BTNL3: variants seen among roughly 807,000 people sequenced by gnomAD.
BTNL3 encodes the protein butyrophilin-like protein 3.
In BTNL3, 20 loss-of-function variants were observed where a neutral mutation model predicts 40.1. The observed-to-expected ratio is 0.50, with a 90% confidence interval of 0.35 to 0.72. The LOEUF (loss-of-function observed/expected upper bound fraction) is 0.72, where lower values mean the gene tolerates loss of function less well. Among genes scored for constraint, BTNL3 ranks in the 30% least tolerant of loss-of-function variants. The probability of loss-of-function intolerance (pLI) is 0.01; values close to 1 mark genes in which losing one functional copy is unlikely to be tolerated. For missense variants in BTNL3, 449 were observed against 582.2 expected, an observed-to-expected ratio of 0.77 and a Z score of 2.35; for synonymous variants, 179 against 222.1, an observed-to-expected ratio of 0.81 and a Z score of 1.73.
intron 3 of BTNL3, 136 bp downstream of exon 3, chr5:180,997,624 G>A: frequency 8.0e-7 from 1 of 1,255,320 alleles, no homozygotes; most frequent in Non-Finnish European, 1.1e-6. Flanking sequence ...AGATTGATGA[G>A]GTATAAAAAA....
chr5:180,997,931 G>A (rs1225017122), intron 3 of BTNL3, among the ~76,000 whole-genome samples: 1 of 136,312 alleles, frequency 7.3e-6, no homozygotes, highest in Non-Finnish European at 1.7e-5. Flanking sequence ...TCAATTAAAA[G>A]GATTGAATTT....
Position 180,997,447 on chromosome 5 carries a change from C to T in BTNL3, c.632C>T (p.Ala211Val). 1 of 1,463,412 alleles carries T rather than the reference C, an allele frequency of 6.8e-7. No homozygotes were observed. Among genetic ancestry groups the T allele is most frequent in the Non-Finnish European group, 9.4e-7 (1 of 1,058,980 alleles). 90.7% of individuals were successfully genotyped at this position (1,463,412 alleles called of 1,614,324 possible). A position where few individuals can be genotyped will look rare whatever the true frequency, so the allele number is the denominator to read the frequency against. Residue 211 changes from alanine to valine, a missense_variant, in exon 3 of 8, where the codon GCT (alanine) becomes GTT (valine). Ala to Val is a moderately conservative substitution (Grantham distance 64). Coordinates refer to ENST00000342868, the MANE Select transcript of BTNL3 (RefSeq NM_197975.3). The part of the protein sequence containing the change: ...AGSILCSIHL[A>V]EQSHEVESKV... ...AGCATATTGTGTTCCATCCACCTTG[C>T]TGAGCAGAGTCATGAGGTGGAATCC...
In BTNL3 at chr5:181,005,555, G is replaced by A. The variant is rs373703234; in HGVS notation, c.1084G>A (p.Val362Ile). 40 of 1,613,964 alleles carry A rather than the reference G, an allele frequency of 2.5e-5. No individual in the cohort carries two copies. Among genetic ancestry groups the A allele is most frequent in the African/African-American group, 2.0e-4 (15 of 74,882 alleles). The part of the protein sequence containing the change: ...GWYVGVCRDD[V>I]DRGKNNVTLS... ...GTATGTGGGAGTGTGTCGGGATGAC[G>A]TAGACAGGGGGAAGAACAATGTGAC... Residue 362 changes from valine to isoleucine, a missense_variant, in exon 8 of 8, where the codon GTA becomes ATA. Coordinates refer to ENST00000342868, the MANE Select transcript of BTNL3 (RefSeq NM_197975.3).
intron 1 of BTNL3, 80 bp from the exon 2 acceptor site, chr5:180,992,733 C>A (rs1224402355): frequency 7.1e-7 from 1 of 1,405,812 alleles, no homozygotes; most frequent in African/African-American, 1.4e-5. Flanking sequence ...ACCCCATACC[C>A]CACACTTCTC....
In BTNL3 at chr5:181,001,761, C is replaced by T. The variant is rs886723577; in HGVS notation, c.674-911C>T. On this transcript the variant is annotated intron_variant, in intron 3 of 7. Transcript: ENST00000342868. ...TCAGGAGGCTGAGGAAGGAGAATGG[C>T]GTGAACCCGGGAGGCAGAGGTTGCA... Among the ~76,000 whole-genome samples the T allele has an allele frequency of 1.5e-5, 2 of 135,228 alleles. 1 individual carries two copies. The highest frequency in any genetic ancestry group is 5.1e-5 in the African/African-American group (2 of 39,404). 88.7% of individuals were successfully genotyped at this position (135,228 alleles called of 152,430 possible). A position where few individuals can be genotyped will look rare whatever the true frequency, so the allele number is the denominator to read the frequency against.
In BTNL3 at chr5:181,000,764, C is replaced by T. The variant is rs926745092; in HGVS notation, c.674-1908C>T. ...GAGCTTGCAGTGAGCCGAGATTGCG[C>T]CACTGCAGTCCGCAGTCCGGCCTGG... is the stretch of plus-strand genomic sequence containing the variant. On this transcript the variant is annotated intron_variant, in intron 3 of 7. Transcript: ENST00000342868. Among the ~76,000 whole-genome samples, 15 of 133,790 alleles carry T rather than the reference C, an allele frequency of 1.1e-4. 4 individuals are homozygous for T. Among genetic ancestry groups the T allele is most frequent in the Admixed American group, 4.0e-4 (5 of 12,592 alleles). The allele number at this position is 133,790 out of a possible 152,430, so 87.8% of individuals were successfully genotyped here. A position where few individuals can be genotyped will look rare whatever the true frequency, so the allele number is the denominator to read the frequency against.
In BTNL3 at chr5:180,997,304, C is replaced by T. The variant is rs1582087765; in HGVS notation, c.489C>T (p.Pro163=). ...TGTCCTCAGGCTGGTTCCCCCAGCC[C>T]ACAGCCAAGTGGAAAGGTCCACAAG... ...LCLSSGWFPQ[P]TAKWKGPQGQ... Residue 163 remains proline (P), a synonymous_variant, in exon 3 of 8, where the codon CCC becomes CCT. Coordinates refer to ENST00000342868, the MANE Select transcript of BTNL3 (RefSeq NM_197975.3). 16 of 1,464,722 alleles carry T rather than the reference C, an allele frequency of 1.1e-5. 2 individuals are homozygous for T. Among genetic ancestry groups the T allele is most frequent in the Non-Finnish European group, 1.5e-5 (16 of 1,059,554 alleles). 90.7% of individuals were successfully genotyped at this position (1,464,722 alleles called of 1,614,324 possible). A position where few individuals can be genotyped will look rare whatever the true frequency, so the allele number is the denominator to read the frequency against.
chr5:180,998,627 A>T (rs1390349030), intron 3 of BTNL3, among the ~76,000 whole-genome samples: 3 of 137,112 alleles, frequency 2.2e-5, no homozygotes, highest in African/African-American at 7.5e-5. Flanking sequence ...ATGCACATGA[A>T]ATTCTCTAAT....
intron 3 of BTNL3, 75 bp from the exon 4 acceptor site, chr5:181,002,597 G>T: frequency 7.5e-7 from 1 of 1,325,136 alleles, no homozygotes; most frequent in Admixed American, 2.5e-5. Flanking sequence ...TGGGGTACTG[G>T]GGGATTCCTT....
Position 180,997,438 on chromosome 5 carries a change from TCC to T in BTNL3, c.624_625del (p.His209ProfsTer3). On this transcript the variant is annotated frameshift_variant, in exon 3 of 8. Transcript: ENST00000342868. LOFTEE classifies it high-confidence loss of function. ...AATGCTGGGAGCATATTGTGTTCCA[TCC>T]ACCTTGCTGAGCAGAGTCATGAGGT... The T allele has an allele frequency of 6.8e-7, 1 of 1,463,332 alleles. No homozygotes were observed. The highest frequency in any genetic ancestry group is 9.4e-7 in the Non-Finnish European group (1 of 1,058,912). The allele number at this position is 1,463,332 out of a possible 1,614,324, so 90.6% of individuals were successfully genotyped here.
At position 180,997,321 on chromosome 5, in the gene BTNL3, G is replaced by A. The variant is rs867218663; in HGVS notation, c.506G>A (p.Gly169Asp). The A allele has an allele frequency of 2.0e-6, 3 of 1,464,702 alleles. 1 individual carries two copies. Among genetic ancestry groups the A allele is most frequent in the Non-Finnish European group, 2.8e-6 (3 of 1,059,488 alleles). 90.7% of individuals were successfully genotyped at this position (1,464,702 alleles called of 1,614,324 possible). A position where few individuals can be genotyped will look rare whatever the true frequency, so the allele number is the denominator to read the frequency against. Residue 169 changes from glycine (G) to aspartate (D), a missense_variant, in exon 3 of 8, where the codon GGT (glycine) becomes GAT (aspartate). By Grantham distance (94) the Gly-to-Asp change is moderately conservative. Transcript: ENST00000342868. ...WFPQPTAKWK[G>D]PQGQDLSSDS... ...CCCCAGCCCACAGCCAAGTGGAAAG[G>A]TCCACAAGGACAGGATTTGTCTTCA...
At position 181,006,517 on chromosome 5, in the gene BTNL3, A is replaced by T. The variant is rs1760236803; in HGVS notation, c.*645A>T. The T allele has an allele frequency of 6.6e-6, 1 of 152,552 alleles. No homozygotes were observed. The highest frequency in any genetic ancestry group is 6.5e-5 in the Admixed American group (1 of 15,282). 9.4% of individuals were successfully genotyped at this position (152,552 alleles called of 1,614,324 possible). A position where few individuals can be genotyped will look rare whatever the true frequency, so the allele number is the denominator to read the frequency against. ...ACCAAAACCAGGCAAAGAAAACAGA[A>T]GAAGAGGAAGGAAAACTACAGGTCC... is the stretch of plus-strand genomic sequence containing the variant. On this transcript the variant is annotated 3_prime_UTR_variant, in exon 8 of 8. Coordinates refer to ENST00000342868, the MANE Select transcript of BTNL3 (RefSeq NM_197975.3).
rs1415597655 is a variant in BTNL3 at position 181,002,427 on chromosome 5, AT to A, written c.674-244del. ...ATGAAATCCAGATGGATCAAGACTT[AT>A]AAAGAAATGCAAAGCTTTAACGCGC... On this transcript the variant is annotated intron_variant, in intron 3 of 7. Transcript: ENST00000342868. 1.4e-3 allele frequency among the ~76,000 whole-genome samples: 154 copies of A among 109,918 alleles called. 20 individuals carry two copies. Among genetic ancestry groups the A allele is most frequent in the African/African-American group, 4.4e-3 (150 of 33,916 alleles). The allele number at this position is 109,918 out of a possible 152,430, so 72.1% of individuals were successfully genotyped here.
intron 3 of BTNL3, among the ~76,000 whole-genome samples, chr5:181,002,364 ACAC>A (rs1226891023): frequency 7.4e-5 from 4 of 54,284 alleles, no homozygotes; most frequent in African/African-American, 1.8e-4. Flanking sequence ...ACACACACAC[ACAC>A]GTGTGTGTGT....
chr5:180,996,471 C>T (rs115860401), intron 2 of BTNL3, among the ~76,000 whole-genome samples: 4,459 of 136,738 alleles, frequency 0.033, 663 homozygotes, highest in African/African-American at 0.1. Flanking sequence ...TACTGGTCTA[C>T]AGTTCTTAAA....
chr5:180,996,851 T>C lies in BTNL3; in HGVS notation c.398-362T>C, dbSNP rs1228625125. On this transcript the variant is annotated intron_variant, in intron 2 of 7. Coordinates refer to ENST00000342868, the MANE Select transcript of BTNL3 (RefSeq NM_197975.3). The stretch of plus-strand genomic sequence containing the variant: ...CCATTTCACTATGAAATGTATTTTA[T>C]ACAGTTTCCTCACTATTTGATCAAT... 2.9e-5 allele frequency among the ~76,000 whole-genome samples: 4 copies of C among 137,130 alleles called. 1 individual carries two copies. Among genetic ancestry groups the C allele is most frequent in the Admixed American group, 2.3e-4 (3 of 12,998 alleles). The allele number at this position is 137,130 out of a possible 152,430, so 90.0% of individuals were successfully genotyped here.
Position 180,988,941 on chromosome 5 carries a change from C to T in BTNL3, c.-88C>T. 1 of 1,351,934 alleles carries T rather than the reference C, an allele frequency of 7.4e-7. No homozygotes were observed. Among genetic ancestry groups the T allele is most frequent in the Non-Finnish European group, 1.0e-6 (1 of 986,608 alleles). 83.7% of individuals were successfully genotyped at this position (1,351,934 alleles called of 1,614,324 possible). A position where few individuals can be genotyped will look rare whatever the true frequency, so the allele number is the denominator to read the frequency against. ...AAGAGCCTCTCCACGGCTCCTGCGC[C>T]TGAGACAGCTGGCCTGACCTCCAAA... On this transcript the variant is annotated 5_prime_UTR_variant, in exon 1 of 8. Coordinates refer to ENST00000342868, the MANE Select transcript of BTNL3 (RefSeq NM_197975.3).
Position 180,988,930 on chromosome 5 carries a change from G to A in BTNL3, c.-99G>A, listed in dbSNP as rs1320678463. 1.2e-5 allele frequency: 16 copies of A among 1,285,820 alleles called. 3 individuals are homozygous for A. The highest frequency in any genetic ancestry group is 2.7e-5 in the Admixed American group (1 of 36,732). 79.7% of individuals were successfully genotyped at this position (1,285,820 alleles called of 1,614,324 possible). On this transcript the variant is annotated 5_prime_UTR_variant, in exon 1 of 8. Coordinates refer to ENST00000342868, the MANE Select transcript of BTNL3 (RefSeq NM_197975.3). Reference sequence around the variant, plus strand: ...CATCGTTCATGAAGAGCCTCTCCACGGCTCCTGCGCCTGAGACAGCTGGCC... The same window carrying A: ...CATCGTTCATGAAGAGCCTCTCCACAGCTCCTGCGCCTGAGACAGCTGGCC...
Position 180,995,008 on chromosome 5 carries a change from T to C in BTNL3, c.397+1848T>C, listed in dbSNP as rs1760018222. On this transcript the variant is annotated intron_variant, in intron 2 of 7. Transcript: ENST00000342868. ...TTCACCGTGTTAACCAGGATGGTCT[T>C]GATCTCCTGATCTCATGATCCACCC... 1.5e-5 allele frequency among the ~76,000 whole-genome samples: 2 copies of C among 135,854 alleles called. 1 individual carries two copies. Among genetic ancestry groups the C allele is most frequent in the Admixed American group, 1.6e-4 (2 of 12,764 alleles). 89.1% of individuals were successfully genotyped at this position (135,854 alleles called of 152,430 possible).
Sources: gnomAD v4.1 joint callset for allele counts (sites outside exome capture counted in the v4.1 genomes callset) on GRCh38, gnomAD v4.1.1 for gene constraint, MANE v1.5 for transcripts, NCBI Gene and HGNC (gene_info 2026-07-23, HGNC 2026-07-21) for gene names.